SGCD: variants seen among roughly 807,000 people sequenced by gnomAD.
The protein encoded by SGCD is delta-sarcoglycan.
Under a neutral mutation model 36.6 loss-of-function variants are expected in SGCD, and 18 were observed. The observed-to-expected ratio is 0.49, with a 90% CI of 0.34 to 0.73. The LOEUF (loss-of-function observed/expected upper bound fraction) is 0.73. Ranked by LOEUF, SGCD falls within the 30% of genes least tolerant of loss-of-function variation. The pLI is 0.01. For synonymous variants in SGCD, 133 were observed against 130.6 expected (o/e 1.02, Z -0.12); for missense variants, 387 against 346.7 (o/e 1.12, Z -0.92).
At chr5:156,667,411 C>G (rs1051996290) in intron 7 of SGCD, among the ~76,000 whole-genome samples, 1 of 152,094 alleles carries the variant, frequency 6.6e-6, no homozygotes. Flanking sequence ...TAATTGTCTT[C>G]CTCTCTACTT....
intron 7 of SGCD, among the ~76,000 whole-genome samples, chr5:156,671,319 C>G (rs1460528493): frequency 7.0e-6 from 1 of 142,524 alleles, no homozygotes; most frequent in Non-Finnish European, 1.5e-5. Context: ...GTCACCCAGG[C>G]TGGAGTGCAG....
At chr5:156,195,421 T>C (rs934553926) in intron 3 of SGCD, among the ~76,000 whole-genome samples, 1 of 152,220 alleles carries the variant, frequency 6.6e-6, no homozygotes, top group Admixed American at 6.5e-5. Flanking sequence ...TGTTAGATGA[T>C]ATCATTTAAC....
chr5:155,978,395 T>C (rs958444), intron 1 of SGCD, among the ~76,000 whole-genome samples: 147,332 of 152,348 alleles, frequency 0.97, 71,302 homozygotes, highest in Middle Eastern at 1. Flanking sequence ...AAAGGAAAAA[T>C]ATTTTGAAAA....
intron 6 of SGCD, among the ~76,000 whole-genome samples, chr5:156,605,143 G>C (rs557280151): frequency 6.6e-6 from 1 of 152,060 alleles, no homozygotes; most frequent in South Asian, 2.1e-4. Context: ...TTGGTGTGCT[G>C]CACCCATTAA....
intron 1 of SGCD, among the ~76,000 whole-genome samples, chr5:156,040,988 A>AT (rs1175433159): frequency 1.3e-5 from 2 of 152,010 alleles, no homozygotes; most frequent in African/African-American, 2.4e-5. Flanking sequence ...ACTTCTTGGG[A>AT]TTTTTCTGTT....
At chr5:155,771,951 T>C in the SGCD span, among the ~76,000 whole-genome samples, 1 of 152,198 alleles carries the variant, frequency 6.6e-6, no homozygotes, top group East Asian at 1.9e-4. Flanking sequence ...GCTTATTCGA[T>C]TTTTAAGAAG....
intron 1 of SGCD, among the ~76,000 whole-genome samples, chr5:156,069,794 CTT>C (rs1760479074): frequency 6.6e-6 from 1 of 151,828 alleles, no homozygotes; most frequent in Non-Finnish European, 1.5e-5. Context: ...TTTGTATCCT[CTT>C]TTATTTTGTT....
intron 1 of SGCD, among the ~76,000 whole-genome samples, chr5:156,079,069 C>CTAT (rs1224723886): frequency 6.7e-6 from 1 of 149,298 alleles, no homozygotes; most frequent in Non-Finnish European, 1.5e-5. Context: ...GTTCTGCAGG[C>CTAT]TATATAGGTA....
At chr5:155,922,537 TA>T (rs554952593) in intron 1 of SGCD, among the ~76,000 whole-genome samples, 263 of 152,290 alleles carry the variant, frequency 1.7e-3, no homozygotes, top group African/African-American at 5.9e-3. Context: ...AAAATTAAGA[TA>T]AAAAATGGCT....
chr5:156,673,929 C>A (rs75148527), intron 7 of SGCD, among the ~76,000 whole-genome samples: 7,350 of 152,226 alleles, frequency 0.048, 250 homozygotes, highest in South Asian at 0.1. Flanking sequence ...GTGTTGACAC[C>A]TTCCTAACAT....
intron 1 of SGCD, among the ~76,000 whole-genome samples, chr5:156,024,434 T>G (rs1274301500): frequency 7.4e-6 from 1 of 135,280 alleles, no homozygotes; most frequent in Non-Finnish European, 1.8e-5. Flanking sequence ...TAAAATTCAG[T>G]TTTTTGCATT....
chr5:156,068,823 T>A (rs1350029523), intron 1 of SGCD, among the ~76,000 whole-genome samples: 2 of 151,890 alleles, frequency 1.3e-5, no homozygotes, highest in Non-Finnish European at 2.9e-5. Flanking sequence ...TTCTAACTGG[T>A]GTGAGATGGT....
At chr5:156,144,348 C>T (rs1762659033) in intron 3 of SGCD, among the ~76,000 whole-genome samples, 2 of 152,048 alleles carry the variant, frequency 1.3e-5, no homozygotes, top group African/African-American at 4.8e-5. Flanking sequence ...GTTTACAGTC[C>T]CACCAACAGT....
chr5:156,106,889 CA>C (rs1248875730), intron 1 of SGCD, among the ~76,000 whole-genome samples: 6 of 151,950 alleles, frequency 3.9e-5, no homozygotes, highest in African/African-American at 1.5e-4. Context: ...TTAGTGTATC[CA>C]ATATCATAAG....
intron 1 of SGCD, among the ~76,000 whole-genome samples, chr5:155,931,943 G>A (rs1320712764): frequency 1.3e-5 from 2 of 152,126 alleles, no homozygotes; most frequent in African/African-American, 4.8e-5. Flanking sequence ...TTTATAAATG[G>A]TGCCTTCTCC....
intron 1 of SGCD, among the ~76,000 whole-genome samples, chr5:155,911,574 C>G (rs2045052024): frequency 6.6e-6 from 1 of 152,018 alleles, no homozygotes; most frequent in Admixed American, 6.6e-5. Context: ...GCTTCTCCAT[C>G]AGCCACATTC....
At chr5:156,477,049 G>GAA (rs5872462) in intron 3 of SGCD, among the ~76,000 whole-genome samples, 56,031 of 122,616 alleles carry the variant, frequency 0.46, 11,975 homozygotes, top group Middle Eastern at 0.69. Flanking sequence ...AAGAGAAAAA[G>GAA]AAAAAAAAAA....
At chr5:156,598,940 T>G (rs1025651488) in intron 6 of SGCD, among the ~76,000 whole-genome samples, 10 of 152,224 alleles carry the variant, frequency 6.6e-5, no homozygotes, top group African/African-American at 2.2e-4. Flanking sequence ...TAGAGCATAA[T>G]GTAGGATAAA....
intron 1 of SGCD, among the ~76,000 whole-genome samples, chr5:156,111,056 G>A (rs1432601367): frequency 6.6e-6 from 1 of 152,132 alleles, no homozygotes; most frequent in Non-Finnish European, 1.5e-5. Flanking sequence ...AATTAAACAA[G>A]CTCTAAAACA....
Sources: gnomAD v4.1 joint callset for allele counts (sites outside exome capture counted in the v4.1 genomes callset) on GRCh38, gnomAD v4.1.1 for gene constraint, MANE v1.5 for transcripts, NCBI Gene and HGNC (gene_info 2026-07-23, HGNC 2026-07-21) for gene names.